Variants in NPLOC4 observed in about 807,000 individuals in gnomAD.
The protein encoded by NPLOC4 is NPL4 homolog, ubiquitin recognition factor.
In NPLOC4, 18 loss-of-function variants were observed where a neutral mutation model predicts 80.6. The ratio of observed to expected loss-of-function variants is 0.22; its 90% CI spans 0.15 to 0.33. NPLOC4 has a LOEUF of 0.33. NPLOC4 is among the 10% of genes least tolerant of loss of function. NPLOC4 has a pLI of 1.00. For synonymous variants in NPLOC4, 313 were observed against 301.5 expected (o/e 1.04, Z -0.39); for missense variants, 540 against 786.1 (o/e 0.69, Z 3.74).
At chr17:81,601,028 C>T (rs2035045510) in intron 8 of NPLOC4, among the ~76,000 whole-genome samples, 1 of 152,216 alleles carries the variant, frequency 6.6e-6, no homozygotes, top group South Asian at 2.1e-4. Context: ...TCATCTGGCA[C>T]AGGGCAGTCG....
At chr17:81,627,710 A>G (rs896273603) in intron 2 of NPLOC4, among the ~76,000 whole-genome samples, 25 of 151,286 alleles carry the variant, frequency 1.7e-4, no homozygotes, top group African/African-American at 5.3e-4. Flanking sequence ...AGAGGCTGCA[A>G]TGAGCCAAGA....
chr17:81,565,220 T>C lies in NPLOC4; in HGVS notation c.1669+285A>G, dbSNP rs999673887. On this transcript the variant is annotated intron_variant, in intron 16 of 16. Coordinates refer to ENST00000331134, the MANE Select transcript of NPLOC4 (RefSeq NM_017921.4). ...CTTAAGACAATGATGTTCAAAGTGC[T>C]CCTAGGATGCCTGGAGATTAGTATC... 2.9e-5 allele frequency: 19 copies of C among 647,662 alleles called. No individual in the cohort carries two copies. In the Admixed American group the frequency reaches 4.6e-4, roughly 16 times the overall value. The allele number at this position is 647,662 out of a possible 1,614,324, so 40.1% of individuals were successfully genotyped here.
chr17:81,618,825 T>C (rs2035583606), intron 3 of NPLOC4, among the ~76,000 whole-genome samples: 1 of 152,130 alleles, frequency 6.6e-6, no homozygotes, highest in Admixed American at 6.5e-5. Context: ...TAGAAGGAAG[T>C]AGACATGGGA....
intron 11 of NPLOC4, among the ~76,000 whole-genome samples, chr17:81,595,544 T>TC (rs1491330057): frequency 1.4e-5 from 2 of 144,940 alleles, no homozygotes; most frequent in African/African-American, 5.1e-5. Flanking sequence ...ATTTTTTTTT[T>TC]CTTTTCTTTT....
At position 81,559,406 on chromosome 17, in the gene NPLOC4, G is replaced by A. The variant is rs201095089; in HGVS notation, c.1680C>T (p.Gly560=). The A allele has an allele frequency of 2.0e-3, 3,182 of 1,609,266 alleles. 3 individuals carry two copies. Among genetic ancestry groups the A allele is most frequent in the Non-Finnish European group, 2.3e-3 (2,676 of 1,178,048 alleles). Reference sequence around the variant, plus strand: ...ACTCATGGAGACCTGGGAGCTGCCCGCCAACTGTGCCTGCAGGGTGGAAGA... The same window carrying A: ...ACTCATGGAGACCTGGGAGCTGCCCACCAACTGTGCCTGCAGGGTGGAAGA... The part of the protein sequence containing the change: ...ATIEQLCSTV[G]GQLPGLHEYG... The change falls in exon 17 of 17, where the codon GGC becomes GGT. Residue 560 remains glycine (G), a synonymous_variant. Coordinates refer to ENST00000331134, the MANE Select transcript of NPLOC4 (RefSeq NM_017921.4).
chr17:81,588,650 C>T (rs978042411), intron 12 of NPLOC4, among the ~76,000 whole-genome samples: 5 of 152,332 alleles, frequency 3.3e-5, no homozygotes, highest in Middle Eastern at 3.4e-3. Context: ...GCCAAGGACC[C>T]ATCTTCTCAT....
chr17:81,602,944 C>T (rs199574232), intron 8 of NPLOC4, among the ~76,000 whole-genome samples: 30 of 131,042 alleles, frequency 2.3e-4, no homozygotes, highest in African/African-American at 8.5e-4. Flanking sequence ...TATATATATA[C>T]ACACACATAT....
At chr17:81,633,798 G>A (rs931364245) in intron 1 of NPLOC4, among the ~76,000 whole-genome samples, 8 of 152,058 alleles carry the variant, frequency 5.3e-5, no homozygotes, top group Admixed American at 6.6e-5. Flanking sequence ...TTTGCCTGCC[G>A]AGTTCAAGCA....
chr17:81,564,900 C>G (rs1345966829), intron 16 of NPLOC4: 1 of 198,508 alleles, frequency 5.0e-6, no homozygotes, highest in African/African-American at 2.4e-5. Context: ...CCCGGGCACT[C>G]TGGTGCTCTC....
chr17:81,574,179 A>G (rs1598624429), intron 12 of NPLOC4, among the ~76,000 whole-genome samples: 1 of 152,206 alleles, frequency 6.6e-6, no homozygotes, highest in East Asian at 1.9e-4. Context: ...CCCATCTGGA[A>G]TTCATCTTCA....
At chr17:81,617,675 T>TCCCCC (rs1182717789) in intron 3 of NPLOC4, among the ~76,000 whole-genome samples, 9 of 94,254 alleles carry the variant, frequency 9.5e-5, no homozygotes, top group African/African-American at 3.9e-4. Flanking sequence ...CCCCTCCCCC[T>TCCCCC]CCGTCTCTTT....
At position 81,569,020 on chromosome 17, in the gene NPLOC4, G is replaced by A. The variant is rs1377746033; in HGVS notation, c.1445C>T (p.Thr482Ile). The change falls in exon 14 of 17, where the codon ACA becomes ATA. Residue 482 changes from threonine to isoleucine, a missense_variant. Transcript: ENST00000331134. ...TTCTAAAGACAAAGAGCTCACCTGT[G>A]TCTCACCCAATACATCCCGGTTTTC... is the stretch of plus-strand genomic sequence containing the variant. ...PIENRDVLGE[T>I]QDFHSLATYL... 1.3e-6 allele frequency: 2 copies of A among 1,591,762 alleles called. No individual in the cohort carries two copies. The highest frequency in any genetic ancestry group is 2.2e-5 in the South Asian group (2 of 90,600).
At chr17:81,601,670 C>T (rs1423009381) in intron 8 of NPLOC4, among the ~76,000 whole-genome samples, 2 of 152,150 alleles carry the variant, frequency 1.3e-5, no homozygotes, top group Non-Finnish European at 2.9e-5. Context: ...AGCACAGTGA[C>T]CTAAGGGTTG....
intron 3 of NPLOC4, among the ~76,000 whole-genome samples, chr17:81,618,844 A>G (rs2035583865): frequency 1.3e-5 from 2 of 152,214 alleles, no homozygotes; most frequent in African/African-American, 4.8e-5. Flanking sequence ...GAGACTTTTC[A>G]TTTTGTTCTG....
chr17:81,595,783 A>G (rs1020082061), intron 11 of NPLOC4, among the ~76,000 whole-genome samples: 2 of 152,016 alleles, frequency 1.3e-5, no homozygotes, highest in African/African-American at 4.8e-5. Flanking sequence ...ACCTCAAGCG[A>G]TCCACTCACC....
chr17:81,602,091 T>C (rs1451499967), intron 8 of NPLOC4, among the ~76,000 whole-genome samples: 6 of 152,120 alleles, frequency 3.9e-5, no homozygotes, highest in Non-Finnish European at 1.5e-5. Flanking sequence ...CGTGTGTGTA[T>C]GTGCTTACAC....
chr17:81,606,683 C>T lies in NPLOC4; in HGVS notation c.654+8G>A, dbSNP rs1174206779. The T allele has an allele frequency of 6.2e-7, 1 of 1,609,770 alleles. No homozygotes were observed. Among genetic ancestry groups the T allele is most frequent in the Non-Finnish European group, 8.5e-7 (1 of 1,177,838 alleles). On this transcript the variant is annotated splice_region_variant and intron_variant, in intron 7 of 16. Transcript: ENST00000331134. ...AAAACAAATCTAGACAGACAGGGAA[C>T]ATCTCACCTGTCTGTTCAGCGTGAT...
At chr17:81,613,655 CTA>C (rs1598668568) in intron 3 of NPLOC4, among the ~76,000 whole-genome samples, 161 bp from the exon 4 acceptor site, 2 of 152,166 alleles carry the variant, frequency 1.3e-5, no homozygotes, top group East Asian at 1.9e-4. Context: ...AACATCTCCC[CTA>C]TGTTTCCTGG....
chr17:81,606,277 A>G (rs966958678), intron 7 of NPLOC4, among the ~76,000 whole-genome samples: 2 of 152,132 alleles, frequency 1.3e-5, no homozygotes, highest in African/African-American at 4.8e-5. Context: ...CGGGACAAGG[A>G]CAGCAGAACA....
Sources: allele counts gnomAD v4.1 joint callset (sites outside exome capture counted in the v4.1 genomes callset), GRCh38; gene constraint gnomAD v4.1.1; transcripts MANE v1.5; gene names NCBI Gene and HGNC (gene_info 2026-07-23, HGNC 2026-07-21).